Variants in DLG2 observed in about 807,000 individuals in gnomAD.
DLG2 encodes disks large homolog 2.
A neutral mutation model predicts 132.5 loss-of-function variants in DLG2; 45 were observed. The ratio of observed to expected loss-of-function variants is 0.34; its 90% CI spans 0.27 to 0.44. DLG2 has a LOEUF of 0.44. Ranked by LOEUF, DLG2 falls within the 20% of genes least tolerant of loss-of-function variation. The probability of loss-of-function intolerance (pLI) is 1.00; values close to 1 mark genes in which losing one functional copy is unlikely to be tolerated. For missense variants in DLG2, 1,045 were observed against 1,196.9 expected (o/e 0.87, Z 1.87); for synonymous variants, 424 against 419.6 (o/e 1.01, Z -0.13).
At chr11:83,511,272 T>C (rs117090053) in intron 21 of DLG2, among the ~76,000 whole-genome samples, 2,447 of 152,278 alleles carry the variant, frequency 0.016, 30 homozygotes, top group Admixed American at 0.032. Context: ...TTCTTCTGCC[T>C]GGGGAGGAAT....
chr11:83,637,947 C>T (rs754549173), intron 18 of DLG2, among the ~76,000 whole-genome samples: 7 of 152,184 alleles, frequency 4.6e-5, no homozygotes, highest in Middle Eastern at 3.4e-3. Context: ...ATGATCATGC[C>T]GAGGTATAAA....
chr11:84,072,073 T>C (rs1178588166), intron 10 of DLG2, among the ~76,000 whole-genome samples: 1 of 152,236 alleles, frequency 6.6e-6, no homozygotes, highest in East Asian at 1.9e-4. Flanking sequence ...CTAATGCACA[T>C]AAAGGCTTCT....
intron 10 of DLG2, among the ~76,000 whole-genome samples, chr11:84,071,583 T>C (rs777288237): frequency 2.8e-4 from 43 of 152,272 alleles, no homozygotes; most frequent in Admixed American, 1.0e-3. Context: ...TAGCCCTTAT[T>C]GTCAATCACC....
At chr11:83,805,064 T>C (rs1308227213) in intron 17 of DLG2, among the ~76,000 whole-genome samples, 1 of 152,158 alleles carries the variant, frequency 6.6e-6, no homozygotes, top group Non-Finnish European at 1.5e-5. Flanking sequence ...TAATGAATGC[T>C]GTGTATTTCT....
At chr11:85,239,155 A>AG (rs1211785715) in intron 4 of DLG2, among the ~76,000 whole-genome samples, 1 of 152,108 alleles carries the variant, frequency 6.6e-6, no homozygotes, top group Non-Finnish European at 1.5e-5. Context: ...GGAGATAATG[A>AG]GGGTTACACT....
chr11:83,517,519 C>A (rs527601816), intron 21 of DLG2, among the ~76,000 whole-genome samples: 1 of 152,228 alleles, frequency 6.6e-6, no homozygotes, highest in South Asian at 2.1e-4. Context: ...CTTCTCTCAA[C>A]TCATCGAAGT....
intron 6 of DLG2, among the ~76,000 whole-genome samples, chr11:84,646,983 AG>A (rs1408170258): frequency 6.6e-6 from 1 of 152,140 alleles, no homozygotes; most frequent in Non-Finnish European, 1.5e-5. Context: ...TTGTGTGTGT[AG>A]GTATTGAGAG....
At chr11:85,487,196 T>C (rs945137337) in intron 3 of DLG2, among the ~76,000 whole-genome samples, 17 of 150,742 alleles carry the variant, frequency 1.1e-4, no homozygotes, top group African/African-American at 4.2e-4. Flanking sequence ...TTCAGAAAAA[T>C]TGGAAGAAGT....
At chr11:84,536,199 C>G (rs2099355235) in intron 6 of DLG2, among the ~76,000 whole-genome samples, 1 of 152,108 alleles carries the variant, frequency 6.6e-6, no homozygotes, top group African/African-American at 2.4e-5. Flanking sequence ...CAAACTTGTT[C>G]CATTGCAATC....
At chr11:85,221,243 C>CGTGTTA (rs2074622264) in intron 4 of DLG2, among the ~76,000 whole-genome samples, 1 of 151,870 alleles carries the variant, frequency 6.6e-6, no homozygotes, top group Non-Finnish European at 1.5e-5. Flanking sequence ...GGGGTTTCAC[C>CGTGTTA]GCCAGGATGG....
chr11:83,690,260 A>G (rs2080741996), intron 18 of DLG2, among the ~76,000 whole-genome samples: 1 of 151,294 alleles, frequency 6.6e-6, no homozygotes. Context: ...TCATTCATTT[A>G]TGGAGCACCC....
intron 6 of DLG2, among the ~76,000 whole-genome samples, chr11:85,098,938 T>G (rs75075923): frequency 0.014 from 2,072 of 152,270 alleles, 45 homozygotes; most frequent in African/African-American, 0.046. Flanking sequence ...AGGTTTGGGG[T>G]TTTGATTAGA....
intron 3 of DLG2, among the ~76,000 whole-genome samples, chr11:85,496,296 T>G (rs1408097860): frequency 1.3e-5 from 2 of 152,214 alleles, no homozygotes; most frequent in African/African-American, 4.8e-5. Context: ...CATTGCTCAC[T>G]GCTAGTGCAG....
At chr11:83,830,677 A>G (rs1156839840) in intron 17 of DLG2, among the ~76,000 whole-genome samples, 1 of 152,228 alleles carries the variant, frequency 6.6e-6, no homozygotes, top group Non-Finnish European at 1.5e-5. Flanking sequence ...ATATTTTGAA[A>G]AGAAAGTGTG....
chr11:83,992,242 A>C (rs2093762448), intron 11 of DLG2, among the ~76,000 whole-genome samples: 1 of 152,136 alleles, frequency 6.6e-6, no homozygotes, highest in Admixed American at 6.6e-5. Flanking sequence ...TAAATTAGAG[A>C]TCTAGTGTTC....
At chr11:84,816,006 C>A (rs900390670) in intron 6 of DLG2, among the ~76,000 whole-genome samples, 3 of 151,978 alleles carry the variant, frequency 2.0e-5, no homozygotes, top group African/African-American at 7.2e-5. Flanking sequence ...ATTTGTCCTG[C>A]CAGGATGCCT....
intron 6 of DLG2, among the ~76,000 whole-genome samples, chr11:84,764,075 A>G (rs1480825282): frequency 6.6e-6 from 1 of 152,130 alleles, no homozygotes; most frequent in Non-Finnish European, 1.5e-5. Context: ...AACATTACAA[A>G]CCTGCAATTT....
intron 3 of DLG2, among the ~76,000 whole-genome samples, chr11:85,593,945 C>T (rs118146636): frequency 6.6e-6 from 1 of 152,192 alleles, no homozygotes; most frequent in East Asian, 1.9e-4. Flanking sequence ...CTATAGCTTA[C>T]TGTTGTATCC....
chr11:84,652,636 A>C (rs1398941354), intron 6 of DLG2, among the ~76,000 whole-genome samples: 1 of 152,232 alleles, frequency 6.6e-6, no homozygotes, highest in Non-Finnish European at 1.5e-5. Context: ...TTAGCATATA[A>C]AAATAGACAT....
Sources: gnomAD v4.1 joint callset for allele counts (sites outside exome capture counted in the v4.1 genomes callset) on GRCh38, gnomAD v4.1.1 for gene constraint, MANE v1.5 for transcripts, NCBI Gene and HGNC (gene_info 2026-07-23, HGNC 2026-07-21) for gene names.